Variants in SUPT3H observed in about 807,000 individuals in gnomAD.
The protein encoded by SUPT3H is SPT3 homolog, SAGA and STAGA complex component.
A neutral mutation model predicts 44.3 loss-of-function variants in SUPT3H; 44 were observed. The ratio of observed to expected loss-of-function variants is 0.99; its 90% CI spans 0.78 to 1.28. SUPT3H has a LOEUF of 1.28. Ranked by LOEUF, SUPT3H falls within the 50% of genes most tolerant of loss-of-function variation. The probability of loss-of-function intolerance (pLI) is 0.00; values close to 1 mark genes in which losing one functional copy is unlikely to be tolerated. For synonymous variants in SUPT3H, 124 were observed against 125.6 expected (o/e 0.99, Z 0.09); for missense variants, 380 against 387.1 (o/e 0.98, Z 0.15).
chr6:45,328,249 T>C, intron 2 of SUPT3H: 1 of 1,325,228 alleles, frequency 7.5e-7, no homozygotes, highest in South Asian at 1.2e-5. Context: ...ACAAACCACA[T>C]GATTCTGCCT....
chr6:45,236,394 G>A (rs1769153542), intron 2 of SUPT3H, among the ~76,000 whole-genome samples: 1 of 152,162 alleles, frequency 6.6e-6, no homozygotes, highest in African/African-American at 2.4e-5. Flanking sequence ...AATGGGACAA[G>A]TGTGGGCTCT....
intron 3 of SUPT3H, among the ~76,000 whole-genome samples, chr6:45,094,450 A>G (rs761032139): frequency 3.9e-5 from 6 of 152,156 alleles, no homozygotes; most frequent in Admixed American, 6.5e-5. Context: ...ATTCTGTGAC[A>G]CTGAAGTAAA....
intron 10 of SUPT3H, among the ~76,000 whole-genome samples, chr6:44,849,292 TCTCGGCTCACTGCAAG>T (rs999762444): frequency 7.2e-6 from 1 of 139,700 alleles, no homozygotes; most frequent in African/African-American, 2.6e-5. Flanking sequence ...AGTGGCGGGA[TCTCGGCTCACTGCAAG>T]CTCCGCCTCC....
intron 1 of SUPT3H, among the ~76,000 whole-genome samples, chr6:45,368,459 T>C (rs1220963481): frequency 4.6e-5 from 7 of 152,152 alleles, no homozygotes; most frequent in Admixed American, 4.6e-4. Context: ...TTAATTGTAG[T>C]GAAGTTAATC....
chr6:45,126,153 G>A lies in SUPT3H; in HGVS notation c.102-20147C>T, dbSNP rs556507624. Among the ~76,000 whole-genome samples, 29 of 152,256 alleles carry A rather than the reference G, an allele frequency of 1.9e-4. 1 individual carries two copies. In the South Asian group the frequency reaches 3.5e-3, roughly 19 times the overall value. ...GAAAACTTGCACTAAACTCAGAAGT[G>A]TGCAAAGAAGTAAATACCCATTGGA... On this transcript the variant is annotated intron_variant, in intron 2 of 10. Coordinates refer to ENST00000371459, the MANE Select transcript of SUPT3H (RefSeq NM_003599.4).
At chr6:45,003,946 A>G (rs1288214737) in intron 5 of SUPT3H, among the ~76,000 whole-genome samples, 154 bp from the exon 6 acceptor site, 6 of 152,204 alleles carry the variant, frequency 3.9e-5, no homozygotes, top group African/African-American at 1.4e-4. Context: ...AAATAAAAGT[A>G]TAAGTCATAC....
intron 2 of SUPT3H, chr6:45,159,576 C>G (rs1206096333): frequency 6.6e-6 from 1 of 152,172 alleles, no homozygotes; most frequent in East Asian, 1.9e-4. Context: ...CCATAACTCA[C>G]AATTCATCTA....
chr6:45,118,055 T>C (rs1026855737), intron 2 of SUPT3H, among the ~76,000 whole-genome samples: 6 of 152,110 alleles, frequency 3.9e-5, no homozygotes, highest in Non-Finnish European at 8.8e-5. Context: ...AATAAACACA[T>C]AGCATACATT....
chr6:45,334,449 CAAAA>C lies in SUPT3H; in HGVS notation c.101+30748_101+30751del, dbSNP rs551014969. 2.0e-4 allele frequency among the ~76,000 whole-genome samples: 18 copies of C among 91,720 alleles called. No individual in the cohort carries two copies. In the East Asian group the frequency reaches 2.5e-3, roughly 13 times the overall value. 60.2% of individuals were successfully genotyped at this position (91,720 alleles called of 152,430 possible). On this transcript the variant is annotated intron_variant, in intron 2 of 10. Coordinates refer to ENST00000371459, the MANE Select transcript of SUPT3H (RefSeq NM_003599.4). ...CATCTATTTTGTGCTTCAGGAAAAG[CAAAA>C]AAAAAAAAAAAAAAAAGACAAAGTT...
intron 6 of SUPT3H, among the ~76,000 whole-genome samples, chr6:44,970,047 T>C (rs1057202168): frequency 1.3e-5 from 2 of 152,164 alleles, no homozygotes; most frequent in Non-Finnish European, 2.9e-5. Context: ...ATAGAGTTGT[T>C]TCAAAATATT....
At chr6:44,933,367 CA>C (rs1257746952) in intron 9 of SUPT3H, among the ~76,000 whole-genome samples, 1 of 151,900 alleles carries the variant, frequency 6.6e-6, no homozygotes, top group Non-Finnish European at 1.5e-5. Flanking sequence ...CAAAAAGATA[CA>C]AAAAAGATAA....
intron 2 of SUPT3H, among the ~76,000 whole-genome samples, chr6:45,162,326 C>T (rs1413830457): frequency 6.6e-6 from 1 of 151,952 alleles, no homozygotes; most frequent in Non-Finnish European, 1.5e-5. Context: ...GAGTTTGAGG[C>T]AGGCCTGGGC....
chr6:45,260,216 T>A (rs1158035411), intron 2 of SUPT3H, among the ~76,000 whole-genome samples: 1 of 152,168 alleles, frequency 6.6e-6, no homozygotes, highest in Non-Finnish European at 1.5e-5. Flanking sequence ...TTTCAGTAAA[T>A]AAACTACATT....
chr6:44,946,663 G>A (rs1360515058), intron 9 of SUPT3H, among the ~76,000 whole-genome samples: 3 of 152,168 alleles, frequency 2.0e-5, no homozygotes, highest in Non-Finnish European at 2.9e-5. Context: ...GGTGAGAGTT[G>A]TTGCTTATGG....
chr6:45,093,650 G>A (rs1340374239), intron 3 of SUPT3H, among the ~76,000 whole-genome samples: 1 of 152,048 alleles, frequency 6.6e-6, no homozygotes, highest in Non-Finnish European at 1.5e-5. Flanking sequence ...AAGAAAGAGG[G>A]AGAAAGAGAA....
intron 10 of SUPT3H, among the ~76,000 whole-genome samples, chr6:44,900,470 G>C (rs1377053579): frequency 6.6e-6 from 1 of 152,242 alleles, no homozygotes; most frequent in Admixed American, 6.5e-5. Context: ...CAGCAAGGCT[G>C]GGGGAGGGGC....
intron 6 of SUPT3H, among the ~76,000 whole-genome samples, chr6:44,987,234 T>C (rs1158529880): frequency 7.2e-6 from 1 of 138,990 alleles, no homozygotes; most frequent in Non-Finnish European, 1.5e-5. Flanking sequence ...AAAGGTCCCA[T>C]CTCCAAATAC....
chr6:44,882,801 T>C (rs911673266), intron 10 of SUPT3H, among the ~76,000 whole-genome samples: 7 of 152,266 alleles, frequency 4.6e-5, no homozygotes, highest in Admixed American at 4.6e-4. Flanking sequence ...ATCATCTCAA[T>C]AGATGCAGAA....
intron 10 of SUPT3H, among the ~76,000 whole-genome samples, chr6:44,850,249 T>C (rs1255245391): frequency 6.6e-6 from 1 of 152,108 alleles, no homozygotes; most frequent in East Asian, 1.9e-4. Flanking sequence ...TATTGAAAAA[T>C]AAAAACTTAA....
Sources: allele counts gnomAD v4.1 joint callset (sites outside exome capture counted in the v4.1 genomes callset), GRCh38; gene constraint gnomAD v4.1.1; transcripts MANE v1.5; gene names NCBI Gene and HGNC (gene_info 2026-07-23, HGNC 2026-07-21).